SLC7A13: variants seen among roughly 807,000 people sequenced by gnomAD.
The protein encoded by SLC7A13 is X-amino acid transporter 2.
In SLC7A13, 31 loss-of-function variants were observed where a neutral mutation model predicts 32.0. The observed-to-expected ratio is 0.97, with a 90% CI of 0.73 to 1.31. The LOEUF is 1.31. SLC7A13 is among the 50% of genes most tolerant of loss of function. The pLI, the probability that SLC7A13 is intolerant of heterozygous loss-of-function variation, is 0.00. For missense variants in SLC7A13, 633 were observed against 546.9 expected (o/e 1.16, Z -1.57); for synonymous variants, 232 against 206.9 (o/e 1.12, Z -1.04).
In SLC7A13 at chr8:86,221,028, A is replaced by G. The variant is rs60405694; in HGVS notation, c.817+1944T>C. Among the ~76,000 whole-genome samples the G allele has an allele frequency of 8.4e-3, 1,282 of 152,044 alleles. 22 individuals carry two copies. The highest frequency in any genetic ancestry group is 0.03 in the African/African-American group (1,239 of 41,492). On this transcript the variant is annotated intron_variant, in intron 2 of 3. Transcript: ENST00000297524. Reference sequence around the variant, plus strand: ...AAAAAAACTATTTCTTTTGCTTATAACTTTCCCCCTTATTACACAAATTTT... The same window carrying G: ...AAAAAAACTATTTCTTTTGCTTATAGCTTTCCCCCTTATTACACAAATTTT...
intron 3 of SLC7A13, among the ~76,000 whole-genome samples, chr8:86,216,086 G>A (rs991789718): frequency 5.9e-5 from 9 of 152,090 alleles, no homozygotes; most frequent in Admixed American, 4.6e-4. Flanking sequence ...CTGGACTTGA[G>A]CCCAAAACTC....
chr8:86,229,969 C>G lies in SLC7A13; in HGVS notation c.309G>C (p.Leu103=), dbSNP rs771386283. The G allele has an allele frequency of 1.2e-6, 2 of 1,614,176 alleles. No individual in the cohort carries two copies. Among genetic ancestry groups the G allele is most frequent in the South Asian group, 2.2e-5 (2 of 91,084 alleles). The stretch of plus-strand genomic sequence containing the variant: ...CTTGGCCAGCAACTACCCCTGACCC[C>G]AGAAACAAGGATGTCCAGAGATTCA... ...AFLNLWTSLF[L]GSGVVAGQAL... Residue 103 remains leucine, a synonymous_variant, in exon 1 of 4, where the codon CTG becomes CTC. Transcript: ENST00000297524.
At chr8:86,221,723 C>T (rs940213296) in intron 2 of SLC7A13, among the ~76,000 whole-genome samples, 2 of 151,328 alleles carry the variant, frequency 1.3e-5, no homozygotes, top group African/African-American at 4.9e-5. Context: ...GGTCAAAACA[C>T]TTCACGAGTC....
chr8:86,214,893 C>G (rs1221413289), intron 3 of SLC7A13, among the ~76,000 whole-genome samples: 1 of 152,104 alleles, frequency 6.6e-6, no homozygotes, highest in East Asian at 1.9e-4. Flanking sequence ...ATGGAAATAA[C>G]TAGAACCATT....
At chr8:86,218,757 T>G (rs1458161113) in intron 2 of SLC7A13, among the ~76,000 whole-genome samples, 1 of 152,060 alleles carries the variant, frequency 6.6e-6, no homozygotes. Flanking sequence ...CCATTGTTTG[T>G]GAGAACCCAC....
At chr8:86,218,244 A>C (rs1426756531) in intron 2 of SLC7A13, among the ~76,000 whole-genome samples, 3 of 152,194 alleles carry the variant, frequency 2.0e-5, no homozygotes, top group African/African-American at 7.2e-5. Context: ...GAGTCCTGAT[A>C]GTTACATTCA....
In SLC7A13 at chr8:86,217,735, A is replaced by G. The variant is rs1428486463; in HGVS notation, c.914T>C (p.Ile305Thr). ...ISTSLFSNLL[I>T]SIFKSSRPIY... ...TGGTCTCGATGATTTAAATATAGAA[A>G]TCAGAAGGTTGCTAAATAATGAGGT... Residue 305 changes from isoleucine to threonine, a missense_variant, in exon 3 of 4, where the codon ATT becomes ACT. Coordinates refer to ENST00000297524, the MANE Select transcript of SLC7A13 (RefSeq NM_138817.3). 2 of 1,613,380 alleles carry G rather than the reference A, an allele frequency of 1.2e-6. No individual in the cohort carries two copies. The highest frequency in any genetic ancestry group is 1.7e-6 in the Non-Finnish European group (2 of 1,179,590).
At chr8:86,223,234 G>A (rs1253699665) in intron 1 of SLC7A13, 131 bp from the exon 2 acceptor site, 3 of 856,050 alleles carry the variant, frequency 3.5e-6, no homozygotes, top group Admixed American at 3.5e-5. Flanking sequence ...TGGATAGGTT[G>A]TGTGGTGGTC....
intron 1 of SLC7A13, among the ~76,000 whole-genome samples, chr8:86,225,056 A>C (rs2129802060): frequency 6.6e-6 from 1 of 152,220 alleles, no homozygotes; most frequent in African/African-American, 2.4e-5. Flanking sequence ...GCTTCCTAAG[A>C]TGTGTTGCAC....
intron 2 of SLC7A13, among the ~76,000 whole-genome samples, chr8:86,221,776 A>G (rs891048654): frequency 2.0e-5 from 3 of 152,328 alleles, no homozygotes; most frequent in Middle Eastern, 3.4e-3. Context: ...CAAAATTGCT[A>G]TAATCATTAT....
At chr8:86,218,136 A>G (rs1389966599) in intron 2 of SLC7A13, among the ~76,000 whole-genome samples, 2 of 152,206 alleles carry the variant, frequency 1.3e-5, no homozygotes, top group Non-Finnish European at 2.9e-5. Context: ...TCACTCTGTG[A>G]CAGACATCCA....
At chr8:86,224,087 A>G (rs939992624) in intron 1 of SLC7A13, among the ~76,000 whole-genome samples, 2 of 152,184 alleles carry the variant, frequency 1.3e-5, no homozygotes, top group African/African-American at 2.4e-5. Context: ...AGAGCTACAC[A>G]TGAGTTAAAT....
At chr8:86,220,447 C>G (rs1820274347) in intron 2 of SLC7A13, among the ~76,000 whole-genome samples, 1 of 152,046 alleles carries the variant, frequency 6.6e-6, no homozygotes. Flanking sequence ...GGTGAAGAAA[C>G]AAGTCAGAGC....
At chr8:86,229,458 T>A in intron 1 of SLC7A13, 135 bp downstream of exon 1, 1 of 840,850 alleles carries the variant, frequency 1.2e-6, no homozygotes. Flanking sequence ...CAGGCTGGCA[T>A]GATCTGATTC....
intron 2 of SLC7A13, among the ~76,000 whole-genome samples, chr8:86,218,399 G>A (rs916134542): frequency 6.6e-6 from 1 of 152,136 alleles, no homozygotes; most frequent in East Asian, 1.9e-4. Flanking sequence ...TATGACATTC[G>A]GGACTTTTCT....
At chr8:86,228,821 G>A (rs188580031) in intron 1 of SLC7A13, among the ~76,000 whole-genome samples, 47 of 151,834 alleles carry the variant, frequency 3.1e-4, no homozygotes, top group African/African-American at 1.1e-3. Flanking sequence ...ACTCTGGCCT[G>A]GGCAACAAGA....
At chr8:86,224,557 G>T (rs1247579917) in intron 1 of SLC7A13, among the ~76,000 whole-genome samples, 1 of 152,182 alleles carries the variant, frequency 6.6e-6, no homozygotes, top group Middle Eastern at 3.2e-3. Context: ...ATCATATAGA[G>T]TGGATTCTCT....
intron 1 of SLC7A13, among the ~76,000 whole-genome samples, chr8:86,224,539 T>C (rs1820356461): frequency 6.6e-6 from 1 of 152,238 alleles, no homozygotes; most frequent in African/African-American, 2.4e-5. Context: ...AAAAAGTTGA[T>C]ATTTAGCATC....
At chr8:86,221,109 A>G (rs1820288868) in intron 2 of SLC7A13, among the ~76,000 whole-genome samples, 1 of 152,136 alleles carries the variant, frequency 6.6e-6, no homozygotes, top group African/African-American at 2.4e-5. Context: ...AAAATCACAT[A>G]CAATATCATT....
Sources: allele counts gnomAD v4.1 joint callset (sites outside exome capture counted in the v4.1 genomes callset), GRCh38; gene constraint gnomAD v4.1.1; transcripts MANE v1.5; gene names NCBI Gene and HGNC (gene_info 2026-07-23, HGNC 2026-07-21).